The following QKI variants were observed in gnomAD, a reference collection of about 807,000 sequenced individuals.
QKI encodes KH domain-containing RNA-binding protein QKI.
In QKI, 10 loss-of-function variants were observed where a neutral mutation model predicts 39.0. The ratio of observed to expected loss-of-function variants is 0.26; its 90% CI spans 0.16 to 0.43. The LOEUF (loss-of-function observed/expected upper bound fraction) is 0.43, where lower values mean the gene tolerates loss of function less well. Ranked by LOEUF, QKI falls within the 20% of genes least tolerant of loss-of-function variation. The probability of loss-of-function intolerance (pLI) is 1.00; values close to 1 mark genes in which losing one functional copy is unlikely to be tolerated. For synonymous variants in QKI, 204 were observed against 155.4 expected (o/e 1.31, Z -2.33); for missense variants, 218 against 428.0 (o/e 0.51, Z 4.33).
Position 163,576,410 on chromosome 6 carries a change from CTCT to C in QKI, c.*5705_*5707del, listed in dbSNP as rs1056234047. The stretch of plus-strand genomic sequence containing the variant: ...TGATTCCACATTATAATGTTGTTGC[CTCT>C]TCTTGGCAAAAGACACCACATTGTG... On this transcript the variant is annotated 3_prime_UTR_variant, in exon 8 of 8. Coordinates refer to ENST00000361752, the MANE Select transcript of QKI (RefSeq NM_006775.3). 2.0e-5 allele frequency: 3 copies of C among 152,100 alleles called. No homozygotes were observed. The highest frequency in any genetic ancestry group is 4.8e-5 in the African/African-American group (2 of 41,402). The allele number at this position is 152,100 out of a possible 1,614,324, so 9.4% of individuals were successfully genotyped here.
At chr6:163,530,581 C>G (rs2128240064) in intron 3 of QKI, among the ~76,000 whole-genome samples, 1 of 152,284 alleles carries the variant, frequency 6.6e-6, no homozygotes. Flanking sequence ...GAATTTAACT[C>G]TTCTTGAGCT....
chr6:163,530,057 A>AT (rs1369617260), intron 3 of QKI, among the ~76,000 whole-genome samples: 3 of 152,222 alleles, frequency 2.0e-5, no homozygotes, highest in Non-Finnish European at 4.4e-5. Context: ...GTGTTCTTCT[A>AT]TGTTGCTGAA....
chr6:163,566,835 T>C (rs1282258597), intron 7 of QKI, 40 bp downstream of exon 7: 6 of 1,604,106 alleles, frequency 3.7e-6, no homozygotes, highest in East Asian at 2.2e-5. Context: ...AAGAAATGCG[T>C]TGGGTGTCCA....
intron 1 of QKI, among the ~76,000 whole-genome samples, chr6:163,417,377 A>G (rs1166100027): frequency 1.3e-5 from 2 of 152,144 alleles, no homozygotes; most frequent in Non-Finnish European, 2.9e-5. Flanking sequence ...GAATTCAAAG[A>G]CTATAGGAGA....
At chr6:163,551,464 C>G (rs1226056455) in intron 4 of QKI, among the ~76,000 whole-genome samples, 1 of 152,158 alleles carries the variant, frequency 6.6e-6, no homozygotes, top group Non-Finnish European at 1.5e-5. Flanking sequence ...AGATTTTAGT[C>G]AGTAATTTGT....
chr6:163,420,279 A>G (rs1787896584), intron 1 of QKI, among the ~76,000 whole-genome samples: 1 of 150,020 alleles, frequency 6.7e-6, no homozygotes, highest in African/African-American at 2.5e-5. Context: ...AACTGGAACT[A>G]CAGTTTAATT....
At chr6:163,565,342 G>A in intron 6 of QKI, 1 of 986,124 alleles carries the variant, frequency 1.0e-6, no homozygotes, top group South Asian at 4.7e-5. Flanking sequence ...CTTCCTGCAG[G>A]GCTGGGGCTC....
chr6:163,456,735 G>A (rs899625607), intron 2 of QKI, among the ~76,000 whole-genome samples: 1 of 152,134 alleles, frequency 6.6e-6, no homozygotes, highest in African/African-American at 2.4e-5. Context: ...TGTAGGAAAA[G>A]AGGAGTTGGT....
At chr6:163,496,316 T>G (rs959022177) in intron 3 of QKI, among the ~76,000 whole-genome samples, 7 of 152,212 alleles carry the variant, frequency 4.6e-5, no homozygotes, top group African/African-American at 1.7e-4. Flanking sequence ...TCAGTCCATG[T>G]GAATTAACCC....
At chr6:163,520,028 G>A (rs1397545101) in intron 3 of QKI, among the ~76,000 whole-genome samples, 1 of 152,122 alleles carries the variant, frequency 6.6e-6, no homozygotes, top group Non-Finnish European at 1.5e-5. Context: ...CTTGTCACCA[G>A]TGAAACATTT....
At chr6:163,473,316 A>G (rs1306792091) in intron 2 of QKI, among the ~76,000 whole-genome samples, 2 of 152,172 alleles carry the variant, frequency 1.3e-5, no homozygotes, top group Non-Finnish European at 1.5e-5. Context: ...ACTGAGGCAT[A>G]TCATTCTCAC....
intron 1 of QKI, chr6:163,416,042 A>T: frequency 1.5e-5 from 1 of 67,940 alleles, no homozygotes; most frequent in South Asian, 1.6e-4. Context: ...GTTGAACTTC[A>T]CTTTTCGGGG....
intron 2 of QKI, among the ~76,000 whole-genome samples, chr6:163,474,664 C>A (rs1318347048): frequency 6.6e-6 from 1 of 151,670 alleles, no homozygotes; most frequent in Non-Finnish European, 1.5e-5. Context: ...TGTCTCCAGC[C>A]TGTAATCCTA....
At chr6:163,506,857 GTGTTT>G (rs1189181410) in intron 3 of QKI, among the ~76,000 whole-genome samples, 1 of 152,068 alleles carries the variant, frequency 6.6e-6, no homozygotes, top group Non-Finnish European at 1.5e-5. Context: ...TTTCAGTGTT[GTGTTT>G]TAAGATTATA....
chr6:163,505,250 C>G (rs762441945), intron 3 of QKI, among the ~76,000 whole-genome samples: 1 of 152,184 alleles, frequency 6.6e-6, no homozygotes, highest in Admixed American at 6.5e-5. Context: ...AGAACCTCTG[C>G]TACGGCAGTG....
At chr6:163,560,741 T>C (rs1172994383) in intron 4 of QKI, among the ~76,000 whole-genome samples, 1 of 152,180 alleles carries the variant, frequency 6.6e-6, no homozygotes, top group Admixed American at 6.5e-5. Flanking sequence ...CATGAAAGTG[T>C]TTTGAGACAG....
At chr6:163,515,031 C>T (rs946543171) in intron 3 of QKI, among the ~76,000 whole-genome samples, 2 of 152,038 alleles carry the variant, frequency 1.3e-5, no homozygotes, top group Non-Finnish European at 2.9e-5. Context: ...AAAATTCATT[C>T]AAAAACAATT....
chr6:163,558,754 G>T (rs915516384), intron 4 of QKI, among the ~76,000 whole-genome samples: 2 of 152,128 alleles, frequency 1.3e-5, no homozygotes, highest in African/African-American at 4.8e-5. Flanking sequence ...AATACAGAGT[G>T]GAGGGGAGTG....
intron 1 of QKI, among the ~76,000 whole-genome samples, chr6:163,446,473 A>C (rs567858748): frequency 6.6e-6 from 1 of 152,278 alleles, no homozygotes; most frequent in East Asian, 1.9e-4. Context: ...GATGATATCA[A>C]ACTAACTTGC....
Sources: gnomAD v4.1 joint callset for allele counts (sites outside exome capture counted in the v4.1 genomes callset) on GRCh38, gnomAD v4.1.1 for gene constraint, MANE v1.5 for transcripts, NCBI Gene and HGNC (gene_info 2026-07-23, HGNC 2026-07-21) for gene names.